The following SAMM50 variants were observed in gnomAD, a reference collection of about 807,000 sequenced individuals.
SAMM50 encodes the protein SAMM50 sorting and assembly machinery component.
Under a neutral mutation model 66.9 loss-of-function variants are expected in SAMM50, and 47 were observed. That is an observed-to-expected ratio of 0.70 (90% CI 0.56 to 0.90). SAMM50 has a LOEUF of 0.90. SAMM50 is among the 40% of genes least tolerant of loss of function. SAMM50 has a pLI of 0.00. For synonymous variants in SAMM50, 191 were observed against 214.1 expected (o/e 0.89, Z 0.94); for missense variants, 535 against 595.3 (o/e 0.90, Z 1.05).
At chr22:43,989,300 T>C in intron 13 of SAMM50, 43 bp downstream of exon 13, 1 of 1,607,340 alleles carries the variant, frequency 6.2e-7, no homozygotes, top group Non-Finnish European at 8.5e-7. Flanking sequence ...GTACAGTTGT[T>C]TTCATGTTTA....
chr22:43,995,181 G>A (rs545988726), intron 14 of SAMM50, among the ~76,000 whole-genome samples: 2 of 152,266 alleles, frequency 1.3e-5, no homozygotes, highest in Non-Finnish European at 2.9e-5. Flanking sequence ...CTGCAGTGCC[G>A]GGGCTGGTTA....
chr22:43,955,478 G>C lies in SAMM50; in HGVS notation c.-100G>C. On this transcript the variant is annotated 5_prime_UTR_variant, in exon 1 of 15. Coordinates refer to ENST00000350028, the MANE Select transcript of SAMM50 (RefSeq NM_015380.5). Reference sequence around the variant, plus strand: ...TCCGGGGGTTTGTGGGAGTTGCCTTGACCTGCAGCTCCGCCACCGCGGACC... The same window carrying C: ...TCCGGGGGTTTGTGGGAGTTGCCTTCACCTGCAGCTCCGCCACCGCGGACC... The C allele has an allele frequency of 7.1e-7, 1 of 1,398,738 alleles. No homozygotes were observed. Among genetic ancestry groups the C allele is most frequent in the Non-Finnish European group, 9.9e-7 (1 of 1,012,970 alleles). 86.6% of individuals were successfully genotyped at this position (1,398,738 alleles called of 1,614,324 possible).
chr22:43,971,560 G>A (rs987831585), intron 4 of SAMM50, among the ~76,000 whole-genome samples: 4 of 152,120 alleles, frequency 2.6e-5, no homozygotes, highest in East Asian at 1.9e-4. Context: ...TTTTCATGTC[G>A]GTTGAATTGA....
At chr22:43,962,218 A>G (rs2050150401) in intron 1 of SAMM50, among the ~76,000 whole-genome samples, 1 of 152,240 alleles carries the variant, frequency 6.6e-6, no homozygotes, top group African/African-American at 2.4e-5. Context: ...ATTTTAGAAT[A>G]AAGTGTTGAA....
chr22:43,976,049 T>C lies in SAMM50; in HGVS notation c.649-6T>C. On this transcript the variant is annotated splice_region_variant and splice_polypyrimidine_tract_variant and intron_variant, in intron 7 of 14. Coordinates refer to ENST00000350028, the MANE Select transcript of SAMM50 (RefSeq NM_015380.5). ...TCCGGAAAGATGTCTGATCTCCATGTTGCAGTTTCCCATATGGAAGACCAG... is the reference window on the plus strand; with the variant it reads ...TCCGGAAAGATGTCTGATCTCCATGCTGCAGTTTCCCATATGGAAGACCAG... The C allele has an allele frequency of 6.2e-7, 1 of 1,607,732 alleles. No individual in the cohort carries two copies. The highest frequency in any genetic ancestry group is 8.5e-7 in the Non-Finnish European group (1 of 1,174,550).
At chr22:43,991,597 G>A (rs1027890494) in intron 14 of SAMM50, among the ~76,000 whole-genome samples, 1 of 152,156 alleles carries the variant, frequency 6.6e-6, no homozygotes, top group Non-Finnish European at 1.5e-5. Context: ...AGATTCAGAC[G>A]TGTTTTCATT....
intron 1 of SAMM50, among the ~76,000 whole-genome samples, chr22:43,956,499 A>T (rs2050120217): frequency 6.6e-6 from 1 of 152,208 alleles, no homozygotes; most frequent in Non-Finnish European, 1.5e-5. Flanking sequence ...CTCTTCTGAC[A>T]TCTCTTTGTG....
At chr22:43,955,713 A>G (rs2146801629) in intron 1 of SAMM50, 115 bp downstream of exon 1, 1 of 1,206,990 alleles carries the variant, frequency 8.3e-7, no homozygotes, top group Middle Eastern at 2.7e-4. Context: ...AGAGGGTGCC[A>G]AGGGTGCCGG....
In SAMM50 at chr22:43,964,505, C is replaced by A; in HGVS notation, c.186C>A (p.Ile62=). The part of the protein sequence containing the change: ...FDGLGRTKDD[I]IICEIGDVFK... ...GACTTGGAAGGACTAAAGATGATAT[C>A]ATCATTTGTGAAATTGGAGATGTTT... Residue 62 remains isoleucine, a synonymous_variant, in exon 3 of 15, where the codon ATC becomes ATA. Transcript: ENST00000350028. The A allele has an allele frequency of 6.2e-7, 1 of 1,612,588 alleles. No homozygotes were observed. Among genetic ancestry groups the A allele is most frequent in the South Asian group, 1.1e-5 (1 of 91,034 alleles).
intron 7 of SAMM50, 104 bp downstream of exon 7, chr22:43,973,427 C>A (rs1283661999): frequency 1.4e-6 from 1 of 699,660 alleles, no homozygotes; most frequent in Non-Finnish European, 2.6e-6. Context: ...AGCACAGGCC[C>A]TCTGCCCTCC....
In SAMM50 at chr22:43,984,012, C is replaced by A; in HGVS notation, c.1075+12C>A. Reference sequence around the variant, plus strand: ...GCCACAGAGCGAAGGTCTGTCCTTTCCCCTCACGGCGCCAAGTCTAGAAGG... The same window carrying A: ...GCCACAGAGCGAAGGTCTGTCCTTTACCCTCACGGCGCCAAGTCTAGAAGG... On this transcript the variant is annotated intron_variant, in intron 12 of 14. Transcript: ENST00000350028. 6.2e-7 allele frequency: 1 copy of A among 1,606,174 alleles called. No individual in the cohort carries two copies. The highest frequency in any genetic ancestry group is 2.3e-5 in the East Asian group (1 of 44,210).
Position 43,981,443 on chromosome 22 carries a change from C to G in SAMM50, c.989C>G (p.Pro330Arg). The G allele has an allele frequency of 6.2e-7, 1 of 1,612,748 alleles. No homozygotes were observed. Among genetic ancestry groups the G allele is most frequent in the Non-Finnish European group, 8.5e-7 (1 of 1,178,922 alleles). Residue 330 changes from proline to arginine, a missense_variant, in exon 11 of 15, where the codon CCG (proline) becomes CGG (arginine). Pro to Arg is a moderately radical substitution (Grantham distance 103). Transcript: ENST00000350028. ...ATGTTGGTACCCATTGGTGATAAGC[C>G]GTCAAGCATTGCTGATAGGTAAGTA... The part of the protein sequence containing the change: ...GGMLVPIGDK[P>R]SSIADRFYLG...
chr22:43,980,551 C>T (rs1382102688), intron 10 of SAMM50, among the ~76,000 whole-genome samples: 3 of 151,818 alleles, frequency 2.0e-5, no homozygotes, highest in Non-Finnish European at 4.4e-5. Flanking sequence ...GCAGGAGGGC[C>T]TTGGAGGCCG....
rs2050309024 is a variant in SAMM50, at chr22:43,989,095, C to CCCCTCCTT, written c.1076-15_1076-8dup. On this transcript the variant is annotated splice_polypyrimidine_tract_variant and intron_variant, in intron 12 of 14. Transcript: ENST00000350028. ...TGTCGGACCTTGTTTTTGTTCTGCA[C>CCCCTCCTT]CCCTCCTTTGCTTAGGAGACTACCT... 1 of 1,605,410 alleles carries CCCCTCCTT rather than the reference C, an allele frequency of 6.2e-7. No homozygotes were observed. The highest frequency in any genetic ancestry group is 1.3e-5 in the African/African-American group (1 of 74,418).
Position 43,977,934 on chromosome 22 carries a change from G to C in SAMM50, c.912G>C (p.Leu304Phe). The C allele has an allele frequency of 6.2e-7, 1 of 1,613,018 alleles. No homozygotes were observed. Among genetic ancestry groups the C allele is most frequent in the Non-Finnish European group, 8.5e-7 (1 of 1,179,396 alleles). ...TCAAAGAAGATTTTGAACTTCAGTTGAACAAGCAACTCATATTTGATTCAG... is the reference window on the plus strand; with the variant it reads ...TCAAAGAAGATTTTGAACTTCAGTTCAACAAGCAACTCATATTTGATTCAG... ...SFIKEDFELQ[L>F]NKQLIFDSVF... The change falls in exon 10 of 15, where the codon TTG becomes TTC. Residue 304 changes from leucine to phenylalanine, a missense_variant. Physicochemically the swap from Leu to Phe is conservative, Grantham distance 22. Transcript: ENST00000350028.
At chr22:43,995,232 G>T (rs531731772) in intron 14 of SAMM50, among the ~76,000 whole-genome samples, 2 of 152,294 alleles carry the variant, frequency 1.3e-5, no homozygotes, top group East Asian at 3.9e-4. Flanking sequence ...CGCAGCATTT[G>T]TGAGTATCTG....
intron 7 of SAMM50, 57 bp downstream of exon 7, chr22:43,973,380 C>A: frequency 9.6e-7 from 1 of 1,037,974 alleles, no homozygotes; most frequent in Non-Finnish European, 1.5e-6. Context: ...GTGGCTTTTT[C>A]ACTGATTCCC....
chr22:43,996,081 G>A (rs989365691), intron 14 of SAMM50: 11 of 589,578 alleles, frequency 1.9e-5, no homozygotes, highest in Non-Finnish European at 3.4e-5. Context: ...TGAGGAGGGA[G>A]TAGTGCAGGA....
intron 7 of SAMM50, 127 bp downstream of exon 7, chr22:43,973,450 T>G: frequency 1.6e-6 from 1 of 617,928 alleles, no homozygotes; most frequent in Admixed American, 2.4e-5. Context: ...ACCAGGTACC[T>G]CCTGGCCAGG....
Sources: gnomAD v4.1 joint callset for allele counts (sites outside exome capture counted in the v4.1 genomes callset) on GRCh38, gnomAD v4.1.1 for gene constraint, MANE v1.5 for transcripts, NCBI Gene and HGNC (gene_info 2026-07-23, HGNC 2026-07-21) for gene names.